FCHSD2: variants seen among roughly 807,000 people sequenced by gnomAD.
FCHSD2 encodes the protein F-BAR and double SH3 domains protein 2.
A neutral mutation model predicts 108.1 loss-of-function variants in FCHSD2; 38 were observed. The ratio of observed to expected loss-of-function variants is 0.35; its 90% CI spans 0.27 to 0.46. The LOEUF (loss-of-function observed/expected upper bound fraction) is 0.46. FCHSD2 is among the 20% of genes least tolerant of loss of function. The probability of loss-of-function intolerance (pLI) is 1.00; values close to 1 mark genes in which losing one functional copy is unlikely to be tolerated. For missense variants in FCHSD2, 751 were observed against 897.8 expected (o/e 0.84, Z 2.09); for synonymous variants, 279 against 314.7 (o/e 0.89, Z 1.20).
In FCHSD2 at chr11:72,889,876, C is replaced by A; in HGVS notation, c.994G>T (p.Ala332Ser). Reference protein sequence around the residue: ...HSLNKEARKWATRVAREHKNI... With the variant: ...HSLNKEARKWSTRVAREHKNI... ...TTATGCTCACGTGCCACACGTGTGG[C>A]CCATTTTCGAGCTTCCTTATTTAGA... The change falls in exon 11 of 20, where the codon GCC becomes TCC. Residue 332 changes from alanine to serine, a missense_variant. Transcript: ENST00000409418. The A allele has an allele frequency of 6.2e-7, 1 of 1,613,550 alleles. No individual in the cohort carries two copies. The highest frequency in any genetic ancestry group is 8.5e-7 in the Non-Finnish European group (1 of 1,179,522).
chr11:72,993,244 G>A (rs1259119251), intron 5 of FCHSD2, among the ~76,000 whole-genome samples: 1 of 151,972 alleles, frequency 6.6e-6, no homozygotes, highest in East Asian at 1.9e-4. Flanking sequence ...GCGATCATTA[G>A]AAAGTCAGGA....
At chr11:72,849,031 GAT>G (rs1274721279) in intron 14 of FCHSD2, among the ~76,000 whole-genome samples, 2 of 152,178 alleles carry the variant, frequency 1.3e-5, no homozygotes, top group Non-Finnish European at 2.9e-5. Context: ...GGGAATCACT[GAT>G]ATTGAGGTTA....
intron 15 of FCHSD2, 31 bp downstream of exon 15, chr11:72,843,418 A>G: frequency 3.1e-6 from 5 of 1,608,502 alleles, no homozygotes; most frequent in Non-Finnish European, 3.4e-6. Flanking sequence ...AAAATGTCAC[A>G]AGAAAGGGCG....
In FCHSD2 at chr11:72,854,537, T is replaced by A. The variant is rs950052227; in HGVS notation, c.1309-4648A>T. Reference sequence around the variant, plus strand: ...GCTTTGAACTCCTGGATGCAAGGGATCCTCCTACTTCAGCCCCCCGAGTAG... The same window carrying A: ...GCTTTGAACTCCTGGATGCAAGGGAACCTCCTACTTCAGCCCCCCGAGTAG... On this transcript the variant is annotated intron_variant, in intron 13 of 19. Transcript: ENST00000409418. Among the ~76,000 whole-genome samples the A allele has an allele frequency of 3.3e-5, 5 of 152,262 alleles. No individual in the cohort carries two copies. In the South Asian group the frequency reaches 1.0e-3, roughly 32 times the overall value.
chr11:73,013,267 T>C (rs996595607), intron 4 of FCHSD2, among the ~76,000 whole-genome samples: 6 of 152,206 alleles, frequency 3.9e-5, no homozygotes, highest in South Asian at 2.1e-4. Flanking sequence ...GCTCCATGCC[T>C]GGAAGGGGTT....
chr11:72,850,409 G>A lies in FCHSD2; in HGVS notation c.1309-520C>T, dbSNP rs1384968787. On this transcript the variant is annotated intron_variant, in intron 13 of 19. Transcript: ENST00000409418. ...TATTTTATTTTTGAGACGGAGTCTC[G>A]CTCTGTTGCCAGGCTTGAGTGTAGT... 4.0e-5 allele frequency among the ~76,000 whole-genome samples: 6 copies of A among 150,002 alleles called. No homozygotes were observed. In the South Asian group the frequency reaches 6.4e-4, roughly 16 times the overall value.
At chr11:73,131,198 A>G (rs1298190427) in intron 2 of FCHSD2, among the ~76,000 whole-genome samples, 2 of 151,312 alleles carry the variant, frequency 1.3e-5, no homozygotes, top group African/African-American at 2.4e-5. Flanking sequence ...CCCTAACCAA[A>G]TAACGAAATC....
intron 8 of FCHSD2, among the ~76,000 whole-genome samples, chr11:72,925,497 G>C (rs1039163349): frequency 6.6e-6 from 1 of 152,128 alleles, no homozygotes; most frequent in African/African-American, 2.4e-5. Context: ...CTGCACCCCA[G>C]CCTGGGCAAC....
rs933269052 is a variant in FCHSD2 at position 73,043,042 on chromosome 11, A to G, written c.166-27157T>C. 4.6e-5 allele frequency among the ~76,000 whole-genome samples: 7 copies of G among 152,266 alleles called. No individual in the cohort carries two copies. The East Asian group carries it at 9.7e-4, about 21-fold the overall frequency. On this transcript the variant is annotated intron_variant, in intron 3 of 19. Coordinates refer to ENST00000409418, the MANE Select transcript of FCHSD2 (RefSeq NM_014824.3). ...TCTCTTTTCCTATTTAGATGCCTTG[A>G]ATTTCTTTCTCTTGACTGATGCTCT...
intron 3 of FCHSD2, among the ~76,000 whole-genome samples, chr11:73,080,306 AAAAAAAAAAAAAAG>A (rs1395000178): frequency 3.6e-4 from 54 of 150,544 alleles, no homozygotes; most frequent in African/African-American, 1.3e-3. Flanking sequence ...CAAAAAAAAA[AAAAAAAAAAAAAAG>A]AAAGAAAGAA....
intron 8 of FCHSD2, among the ~76,000 whole-genome samples, chr11:72,926,162 G>A (rs1348725396): frequency 1.3e-5 from 2 of 152,082 alleles, no homozygotes. Context: ...TCCCAGTAAG[G>A]CCCCACCTTC....
At chr11:73,138,416 G>C (rs1861172155) in intron 2 of FCHSD2, among the ~76,000 whole-genome samples, 1 of 151,986 alleles carries the variant, frequency 6.6e-6, no homozygotes, top group South Asian at 2.1e-4. Flanking sequence ...ACAACCAACA[G>C]AAATTATTAC....
chr11:72,884,153 A>AACATCAC (rs1348814574), intron 12 of FCHSD2, among the ~76,000 whole-genome samples: 1 of 152,034 alleles, frequency 6.6e-6, no homozygotes, highest in African/African-American at 2.4e-5. Flanking sequence ...TGTGATGAAA[A>AACATCAC]ACATCACATC....
chr11:72,887,682 A>C, intron 11 of FCHSD2, 108 bp from the exon 12 acceptor site: 1 of 652,456 alleles, frequency 1.5e-6, no homozygotes, highest in South Asian at 2.4e-5. Context: ...TAGTAGCCAT[A>C]ATTTTTTTTC....
intron 4 of FCHSD2, among the ~76,000 whole-genome samples, chr11:73,005,593 T>C (rs950911359): frequency 1.3e-5 from 2 of 152,226 alleles, no homozygotes; most frequent in Non-Finnish European, 2.9e-5. Flanking sequence ...TCTTCTCTTC[T>C]CTAACTACAT....
rs995740148 is a variant in FCHSD2 at position 72,973,021 on chromosome 11, C to A, written c.705+11067G>T. Among the ~76,000 whole-genome samples, 111 of 152,194 alleles carry A rather than the reference C, an allele frequency of 7.3e-4. 2 individuals carry two copies. Among genetic ancestry groups the A allele is most frequent in the Non-Finnish European group, 7.4e-5 (5 of 68,024 alleles). On this transcript the variant is annotated intron_variant, in intron 8 of 19. Coordinates refer to ENST00000409418, the MANE Select transcript of FCHSD2 (RefSeq NM_014824.3). ...GGAGAATGTACAAGACTGTTGATAA[C>A]AGCACTGTTTGTAACAGTAAAACAA...
chr11:73,119,513 G>A (rs1410104911), intron 2 of FCHSD2, among the ~76,000 whole-genome samples: 1 of 152,134 alleles, frequency 6.6e-6, no homozygotes, highest in Non-Finnish European at 1.5e-5. Flanking sequence ...CACCTAAACT[G>A]GAAGGCAGTG....
At chr11:72,966,426 C>G (rs916748338) in intron 8 of FCHSD2, among the ~76,000 whole-genome samples, 2 of 152,166 alleles carry the variant, frequency 1.3e-5, no homozygotes, top group African/African-American at 2.4e-5. Flanking sequence ...TCCCAAAGTG[C>G]TGGGATTACA....
chr11:72,989,442 G>A lies in FCHSD2; in HGVS notation c.388-345C>T, dbSNP rs948472201. On this transcript the variant is annotated intron_variant, in intron 5 of 19. Transcript: ENST00000409418. ...CATGATAATAAAATCAAAAGAATAA[G>A]GCAATTCTGTATTTCCCCATAATCT... Among the ~76,000 whole-genome samples, 10 of 152,196 alleles carry A rather than the reference G, an allele frequency of 6.6e-5. No homozygotes were observed. In the South Asian group the frequency reaches 1.4e-3, roughly 22 times the overall value.
Sources: allele counts gnomAD v4.1 joint callset (sites outside exome capture counted in the v4.1 genomes callset), GRCh38; gene constraint gnomAD v4.1.1; transcripts MANE v1.5; gene names NCBI Gene and HGNC (gene_info 2026-07-23, HGNC 2026-07-21).